Variants in BBS10 observed in about 807,000 individuals in gnomAD.
BBS10 encodes BBSome complex assembly protein BBS10.
In BBS10, 13 loss-of-function variants were observed where a neutral mutation model predicts 12.7. The observed-to-expected ratio is 1.03, with a 90% CI of 0.67 to 1.63. The LOEUF is 1.63. Ranked by LOEUF, BBS10 falls within the 40% of genes most tolerant of loss-of-function variation. The pLI is 0.00. For synonymous variants in BBS10, 294 were observed against 304.8 expected, an observed-to-expected ratio of 0.96 and a Z score of 0.37; for missense variants, 858 against 858.0, an observed-to-expected ratio of 1.00 and a Z score of 0.00.
rs1489342987 is a variant in BBS10 at position 76,346,582 on chromosome 12, G to A, written c.1403C>T (p.Pro468Leu). The change falls in exon 2 of 2, where the codon CCT becomes CTT. Residue 468 changes from proline (P) to leucine (L), a missense_variant. Pro to Leu is a moderately conservative substitution (Grantham distance 98, BLOSUM62 -3). Transcript: ENST00000650064. ...GTTCTCTGCAACTGTGTCCTGATAA[G>A]GCCTTTGTATTGAGCCATTACCAGG... ...PDPGNGSIQR[P>L]YQDTVAENKD... 2.5e-6 allele frequency: 4 copies of A among 1,613,932 alleles called. No individual in the cohort carries two copies. The highest frequency in any genetic ancestry group is 1.7e-5 in the Admixed American group (1 of 59,998).
At position 76,346,154 on chromosome 12, in the gene BBS10, G is replaced by GTT; in HGVS notation, c.1830_1831insAA (p.His611AsnfsTer22). On this transcript the variant is annotated frameshift_variant, in exon 2 of 2. Transcript: ENST00000650064. LOFTEE classifies it high-confidence loss of function. ...TTGGCATAATTGAGAAGATAGTAAT[G>GTT]TAACAAGATCTCAAAATTACCACCT... The GTT allele has an allele frequency of 6.2e-7, 1 of 1,610,220 alleles. No homozygotes were observed. The highest frequency in any genetic ancestry group is 1.1e-5 in the South Asian group (1 of 90,400).
chr12:76,347,695 A>T lies in BBS10; in HGVS notation c.290T>A (p.Leu97His). The change falls in exon 2 of 2, where the codon CTT (leucine) becomes CAT (histidine). Residue 97 changes from leucine (L) to histidine (H), a missense_variant. By Grantham distance (99) the Leu-to-His change is moderately conservative (BLOSUM62 -3). Transcript: ENST00000650064. ...IIFLCHLLRG[L>H]HAITDREKDP... ...CTTTTCTCTGTCTGTGATTGCATGAAGTCCTCTAAGCAAATGGCAAAGAAA... is the reference window on the plus strand; with the variant it reads ...CTTTTCTCTGTCTGTGATTGCATGATGTCCTCTAAGCAAATGGCAAAGAAA... 5.0e-6 allele frequency: 8 copies of T among 1,612,740 alleles called. No individual in the cohort carries two copies. The highest frequency in any genetic ancestry group is 6.8e-6 in the Non-Finnish European group (8 of 1,179,916).
chr12:76,346,958 G>C lies in BBS10; in HGVS notation c.1027C>G (p.Arg343Gly). ...CLSSEEVSLI[R>G]RIIGLSPFVP... ...AATGGAGAAAGACCAATGATCCTCC[G>C]GATAAGAGAAACTTCTTCTGATGAT... The change falls in exon 2 of 2, where the codon CGG (arginine) becomes GGG (glycine). Residue 343 changes from arginine (R) to glycine (G), a missense_variant. Coordinates refer to ENST00000650064, the MANE Select transcript of BBS10 (RefSeq NM_024685.4). The C allele has an allele frequency of 1.9e-6, 3 of 1,610,792 alleles. No homozygotes were observed. The highest frequency in any genetic ancestry group is 2.5e-6 in the Non-Finnish European group (3 of 1,179,982).
rs373327878 is a variant in BBS10 at position 76,346,426 on chromosome 12, A to C, written c.1559T>G (p.Val520Gly). Residue 520 changes from valine to glycine, a missense_variant, in exon 2 of 2, where the codon GTT (valine) becomes GGT (glycine). Coordinates refer to ENST00000650064, the MANE Select transcript of BBS10 (RefSeq NM_024685.4). Reference sequence around the variant, plus strand: ...CAAAGACAAACATGTCAGCGTTTCAACTGTTTGGAATGTATCTGTTGGTGT... The same window carrying C: ...CAAAGACAAACATGTCAGCGTTTCACCTGTTTGGAATGTATCTGTTGGTGT... The part of the protein sequence containing the change: ...TLTPTDTFQT[V>G]ETLTCLSLER... 23 of 1,614,016 alleles carry C rather than the reference A, an allele frequency of 1.4e-5. No individual in the cohort carries two copies. Among genetic ancestry groups the C allele is most frequent in the Non-Finnish European group, 1.9e-5 (23 of 1,180,000 alleles).
At position 76,347,131 on chromosome 12, in the gene BBS10, G is replaced by A; in HGVS notation, c.854C>T (p.Thr285Ile). Residue 285 changes from threonine to isoleucine, a missense_variant, in exon 2 of 2, where the codon ACA becomes ATA. Coordinates refer to ENST00000650064, the MANE Select transcript of BBS10 (RefSeq NM_024685.4). ...FILNSEAQFQ[T>I]SQFWIMEKTK... Reference sequence around the variant, plus strand: ...CTTTTCCATAATCCAAAATTGAGATGTCTGAAACTGTGCTTCTGAATTTAG... The same window carrying A: ...CTTTTCCATAATCCAAAATTGAGATATCTGAAACTGTGCTTCTGAATTTAG... The A allele has an allele frequency of 6.2e-7, 1 of 1,611,916 alleles. No homozygotes were observed.
At position 76,347,337 on chromosome 12, in the gene BBS10, G is replaced by A. The variant is rs748037727; in HGVS notation, c.648C>T (p.Asp216=). The part of the protein sequence containing the change: ...SGIGVFELVD[D]HFVELNVGVT... ...CACCAACATTCAACTCTACAAAATG[G>A]TCATCCACTAACTCAAATACACCAA... Residue 216 remains aspartate (D), a synonymous_variant, in exon 2 of 2, where the codon GAC becomes GAT. Transcript: ENST00000650064. 2.5e-6 allele frequency: 4 copies of A among 1,613,720 alleles called. No individual in the cohort carries two copies. The African/African-American group carries it at 4.0e-5, about 16-fold the overall frequency.
Position 76,347,562 on chromosome 12 carries a change from T to C in BBS10, c.423A>G (p.Leu141=), listed in dbSNP as rs771847158. 1.9e-6 allele frequency: 3 copies of C among 1,613,808 alleles called. No individual in the cohort carries two copies. The highest frequency in any genetic ancestry group is 2.5e-6 in the Non-Finnish European group (3 of 1,180,008). ...QALLTFQTQI[L]DGIMDQYLSR... is the part of the protein sequence containing the mutation. ...TTAGGTACTGGTCCATAATACCGTC[T>C]AATATTTGTGTCTGAAACGTTAGGA... Residue 141 remains leucine, a synonymous_variant, in exon 2 of 2, where the codon TTA becomes TTG. Coordinates refer to ENST00000650064, the MANE Select transcript of BBS10 (RefSeq NM_024685.4).
chr12:76,346,302 A>G lies in BBS10; in HGVS notation c.1683T>C (p.Asn561=), dbSNP rs1351862168. ...TTCTAGTAATATTTGTGACCTGTAA[A>G]TTTTCGTAAGAAATTTCTATTCTAT... ...RGNRIEISYE[N]LQVTNITRKG... is the part of the protein sequence containing the mutation. The change falls in exon 2 of 2, where the codon AAT becomes AAC. Residue 561 remains asparagine, a synonymous_variant. Transcript: ENST00000650064. 6.2e-7 allele frequency: 1 copy of G among 1,613,810 alleles called. No individual in the cohort carries two copies. The highest frequency in any genetic ancestry group is 8.5e-7 in the Non-Finnish European group (1 of 1,179,922).
In BBS10 at chr12:76,345,862, T is replaced by C. The variant is rs1193044301; in HGVS notation, c.2123A>G (p.Lys708Arg). 2 of 1,613,744 alleles carry C rather than the reference T, an allele frequency of 1.2e-6. No individual in the cohort carries two copies. The highest frequency in any genetic ancestry group is 1.7e-6 in the Non-Finnish European group (2 of 1,179,788). Residue 708 changes from lysine to arginine, a missense_variant, in exon 2 of 2, where the codon AAG becomes AGG. Transcript: ENST00000650064. Reference sequence around the variant, plus strand: ...ATTGTGAACTTTCTGAGGGTGTCTCTTAACAGTGATTACCATGTCAATGGT... The same window carrying C: ...ATTGTGAACTTTCTGAGGGTGTCTCCTAACAGTGATTACCATGTCAATGGT... ...ILTIDMVITV[K>R]RHPQKVHNQD...
In BBS10 at chr12:76,345,787, G is replaced by A; in HGVS notation, c.*26C>T. 6.2e-7 allele frequency: 1 copy of A among 1,600,330 alleles called. No individual in the cohort carries two copies. Among genetic ancestry groups the A allele is most frequent in the Non-Finnish European group, 8.5e-7 (1 of 1,169,976 alleles). ...TTACTTGGCTTGAGTTAGATGAAAA[G>A]TTTGGTTAATTAAAAACTTCTGATG... is the stretch of plus-strand genomic sequence containing the variant. On this transcript the variant is annotated 3_prime_UTR_variant, in exon 2 of 2. Transcript: ENST00000650064.
At position 76,344,727 on chromosome 12, in the gene BBS10, T is replaced by C. The variant is rs534103908; in HGVS notation, c.*1086A>G. The C allele has an allele frequency of 3.3e-4, 50 of 152,308 alleles. No homozygotes were observed. The highest frequency in any genetic ancestry group is 2.4e-3 in the Admixed American group (37 of 15,302). The allele number at this position is 152,308 out of a possible 1,614,324, so 9.4% of individuals were successfully genotyped here. On this transcript the variant is annotated 3_prime_UTR_variant, in exon 2 of 2. Coordinates refer to ENST00000650064, the MANE Select transcript of BBS10 (RefSeq NM_024685.4). Reference sequence around the variant, plus strand: ...GTTGAATAAGTAAACTGGAAACATGTATTTAAAGGAATGAATTAAAGATAA... The same window carrying C: ...GTTGAATAAGTAAACTGGAAACATGCATTTAAAGGAATGAATTAAAGATAA...
rs768933093 is a variant in BBS10 at position 76,348,214 on chromosome 12, G to A, written c.145C>T (p.Arg49Trp). ...TKPTGEVLLS[R>W]NGGRLLEALH... Reference sequence around the variant, plus strand: ...GCCTCCAGGAGGCGGCCTCCATTCCGGCTGAGAAGCACCTCGCCAGTGGGC... The same window carrying A: ...GCCTCCAGGAGGCGGCCTCCATTCCAGCTGAGAAGCACCTCGCCAGTGGGC... Residue 49 changes from arginine to tryptophan, a missense_variant, in exon 1 of 2, where the codon CGG (arginine) becomes TGG (tryptophan). Transcript: ENST00000650064. 4.7e-5 allele frequency: 76 copies of A among 1,613,486 alleles called. No individual in the cohort carries two copies. Among genetic ancestry groups the A allele is most frequent in the Non-Finnish European group, 6.3e-5 (74 of 1,179,594 alleles).
In BBS10 at chr12:76,345,982, T is replaced by A. The variant is rs142140276; in HGVS notation, c.2003A>T (p.Asn668Ile). Residue 668 changes from asparagine (N) to isoleucine (I), a missense_variant, in exon 2 of 2, where the codon AAT becomes ATT. Asn to Ile is a moderately radical substitution (Grantham distance 149). Coordinates refer to ENST00000650064, the MANE Select transcript of BBS10 (RefSeq NM_024685.4). ...YIRAVHALQT[N>I]QPLVSSQTGL... ...TGTCTGACTGCTTACCAAGGGTTGATTGGTTTGCAGTGCATGGACAGCTCT... is the reference window on the plus strand; with the variant it reads ...TGTCTGACTGCTTACCAAGGGTTGAATGGTTTGCAGTGCATGGACAGCTCT... 1 of 1,614,088 alleles carries A rather than the reference T, an allele frequency of 6.2e-7. No homozygotes were observed. The highest frequency in any genetic ancestry group is 8.5e-7 in the Non-Finnish European group (1 of 1,179,940).
At position 76,346,232 on chromosome 12, in the gene BBS10, T is replaced by C. The variant is rs1951756476; in HGVS notation, c.1753A>G (p.Thr585Ala). The C allele has an allele frequency of 6.2e-7, 1 of 1,611,740 alleles. No individual in the cohort carries two copies. Among genetic ancestry groups the C allele is most frequent in the Non-Finnish European group, 8.5e-7 (1 of 1,179,086 alleles). Residue 585 changes from threonine to alanine, a missense_variant, in exon 2 of 2, where the codon ACT becomes GCT. Physicochemically the swap from Thr to Ala is moderately conservative, Grantham distance 58. Transcript: ENST00000650064. ...PVSCKLPNMG[T>A]SQSYLSSSMP... ...GATGAGGAAAGGTAACTCTGGGAAGTACCCATATTCGGTAACTTACAGCTC... is the reference window on the plus strand; with the variant it reads ...GATGAGGAAAGGTAACTCTGGGAAGCACCCATATTCGGTAACTTACAGCTC...
At position 76,347,833 on chromosome 12, in the gene BBS10, T is replaced by C. The variant is rs759678932; in HGVS notation, c.198-46A>G. The C allele has an allele frequency of 1.5e-5, 23 of 1,572,348 alleles. No homozygotes were observed. In the Admixed American group the frequency reaches 3.9e-4, roughly 26 times the overall value. ...GCAACTCATTTTCAGAAGGCTGGCT[T>C]CCCACATCTTAAAACCATGTTTACA... On this transcript the variant is annotated intron_variant, in intron 1 of 1. Coordinates refer to ENST00000650064, the MANE Select transcript of BBS10 (RefSeq NM_024685.4).
In BBS10 at chr12:76,347,723, TAATA is replaced by T. The variant is rs1951773909; in HGVS notation, c.258_261del (p.Phe86LeufsTer22). 6.2e-7 allele frequency: 1 copy of T among 1,609,540 alleles called. No individual in the cohort carries two copies. Among genetic ancestry groups the T allele is most frequent in the Non-Finnish European group, 8.5e-7 (1 of 1,179,816 alleles). ...CCTCTAAGCAAATGGCAAAGAAAGA[TAATA>T]AATGTTTTTGCACCATCTCCTGTTT... On this transcript the variant is annotated frameshift_variant, in exon 2 of 2. Transcript: ENST00000650064. LOFTEE classifies it low-confidence loss of function (END_TRUNC).
Position 76,346,096 on chromosome 12 carries a change from C to G in BBS10, c.1889G>C (p.Ser630Thr). 1 of 1,611,930 alleles carries G rather than the reference C, an allele frequency of 6.2e-7. No homozygotes were observed. The highest frequency in any genetic ancestry group is 8.5e-7 in the Non-Finnish European group (1 of 1,179,406). The change falls in exon 2 of 2, where the codon AGT becomes ACT. Residue 630 changes from serine (S) to threonine (T), a missense_variant. Transcript: ENST00000650064. ...TAAAAGTGCATTAGCTATTATCATA[C>G]TAACCATGGTTTCTTCTGATTGATG... ...KCHQSEETMVSMIIANALLGI... is the reference protein window; with the variant it reads ...KCHQSEETMVTMIIANALLGI...
Position 76,348,410 on chromosome 12 carries a change from G to C in BBS10, c.-52C>G, listed in dbSNP as rs79580268. 1 of 1,539,932 alleles carries C rather than the reference G, an allele frequency of 6.5e-7. No individual in the cohort carries two copies. ...AGCTTGCAGAACACCCGGGCCGACC[G>C]AAAACAGGGGTGGGAACGGCCGGAA... On this transcript the variant is annotated 5_prime_UTR_variant, in exon 1 of 2. Coordinates refer to ENST00000650064, the MANE Select transcript of BBS10 (RefSeq NM_024685.4).
Position 76,347,469 on chromosome 12 carries a change from C to CTA in BBS10, c.515_516insTA (p.Leu172PhefsTer4). ...TTCCACAAAAGTATGCTTCTAAGAG[C>CTA]AACTCTAAAGAGCTCCTACACAATG... On this transcript the variant is annotated frameshift_variant, in exon 2 of 2. Transcript: ENST00000650064. LOFTEE classifies it low-confidence loss of function (END_TRUNC). The CTA allele has an allele frequency of 6.2e-7, 1 of 1,613,628 alleles. No individual in the cohort carries two copies. Among genetic ancestry groups the CTA allele is most frequent in the Non-Finnish European group, 8.5e-7 (1 of 1,179,908 alleles).
Sources: allele counts gnomAD v4.1 joint callset, GRCh38; gene constraint gnomAD v4.1.1; transcripts MANE v1.5; gene names NCBI Gene and HGNC (gene_info 2026-07-23, HGNC 2026-07-21).